Variants in UFD1 observed in about 807,000 individuals in gnomAD.
UFD1 encodes the protein ubiquitin recognition factor in ER associated degradation 1, also known as ubiquitin recognition factor in ER-associated degradation protein 1.
UFD1 carries 13 observed loss-of-function variants against 45.9 expected under a neutral mutation model. The observed-to-expected ratio is 0.28, with a 90% confidence interval of 0.18 to 0.45. The LOEUF (loss-of-function observed/expected upper bound fraction) is 0.45. Among genes scored for constraint, UFD1 ranks in the 20% least tolerant of loss-of-function variants. The pLI is 1.00. For missense variants in UFD1, 218 were observed against 389.2 expected, an observed-to-expected ratio of 0.56 and a Z score of 3.70; for synonymous variants, 128 against 139.2, an observed-to-expected ratio of 0.92 and a Z score of 0.56.
chr22:19,452,029 C>G, intron 11 of UFD1: 1 of 752,600 alleles, frequency 1.3e-6, no homozygotes, highest in Non-Finnish European at 1.6e-6. Context: ...GGATTATCTT[C>G]TTGTGAGTTC....
intron 3 of UFD1, among the ~76,000 whole-genome samples, chr22:19,473,899 C>G (rs1430003827): frequency 3.9e-5 from 6 of 152,216 alleles, no homozygotes; most frequent in African/African-American, 1.4e-4. Flanking sequence ...CAAAACCAAG[C>G]ATGAACCTGT....
At chr22:19,471,324 T>C in intron 4 of UFD1, 1 of 547,392 alleles carries the variant, frequency 1.8e-6, no homozygotes, top group Non-Finnish European at 3.6e-6. Context: ...CTACTAAAAG[T>C]AGGGGAAAAG....
chr22:19,477,354 AT>A (rs1475088499), intron 1 of UFD1, among the ~76,000 whole-genome samples: 1 of 152,246 alleles, frequency 6.6e-6, no homozygotes, highest in Non-Finnish European at 1.5e-5. Context: ...ACAATGAAAT[AT>A]TATTCAGCTT....
chr22:19,471,900 C>A, intron 3 of UFD1, 92 bp from the exon 4 acceptor site: 1 of 1,526,674 alleles, frequency 6.6e-7, no homozygotes, highest in Non-Finnish European at 8.8e-7. Flanking sequence ...TCCCCACAAT[C>A]CTGCCCTCAA....
chr22:19,466,187 T>C (rs1258019161), intron 5 of UFD1: 1 of 152,200 alleles, frequency 6.6e-6, no homozygotes, highest in East Asian at 1.9e-4. Context: ...TGCTCCCAAA[T>C]ATGAAGTGCC....
At chr22:19,465,521 A>G in intron 5 of UFD1, 1 of 469,312 alleles carries the variant, frequency 2.1e-6, no homozygotes, top group East Asian at 3.9e-5. Flanking sequence ...ATAACCAACC[A>G]CAAAAGGGCA....
chr22:19,460,823 G>A lies in UFD1; in HGVS notation c.496-2684C>T, dbSNP rs577867549. Among the ~76,000 whole-genome samples, 11 of 147,104 alleles carry A rather than the reference G, an allele frequency of 7.5e-5. No individual in the cohort carries two copies. In the East Asian group the frequency reaches 2.2e-3, roughly 29 times the overall value. ...CCCCCAGGCTGGAGTGCAGTGCCTT[G>A]ACCCTGGCTCACTGCAGACTCAACT... On this transcript the variant is annotated intron_variant, in intron 6 of 11. Coordinates refer to ENST00000263202, the MANE Select transcript of UFD1 (RefSeq NM_005659.7).
chr22:19,469,931 CTA>C (rs753193594), intron 4 of UFD1: 1 of 518,504 alleles, frequency 1.9e-6, no homozygotes, highest in Non-Finnish European at 3.9e-6. Context: ...AACTTCAAGT[CTA>C]TGGGTTAAAG....
chr22:19,471,903 G>C (rs2089848962), intron 3 of UFD1, 95 bp from the exon 4 acceptor site: 20 of 1,510,698 alleles, frequency 1.3e-5, no homozygotes, highest in Admixed American at 1.9e-5. Context: ...CCACAATCCT[G>C]CCCTCAACCC....
chr22:19,464,281 G>A (rs1285110783), intron 6 of UFD1, among the ~76,000 whole-genome samples: 1 of 152,242 alleles, frequency 6.6e-6, no homozygotes, highest in Non-Finnish European at 1.5e-5. Flanking sequence ...AAGGAGCTAA[G>A]TGCTAGCTTC....
chr22:19,451,302 T>C (rs747767989), intron 11 of UFD1: 103 of 985,400 alleles, frequency 1.0e-4, no homozygotes, highest in Non-Finnish European at 1.2e-4. Flanking sequence ...AATTCCATGA[T>C]GTAGGAGGGC....
At chr22:19,478,060 ATT>A (rs2089902281) in intron 1 of UFD1, among the ~76,000 whole-genome samples, 1 of 152,170 alleles carries the variant, frequency 6.6e-6, no homozygotes, top group Non-Finnish European at 1.5e-5. Context: ...TATGTAAGCC[ATT>A]TCTTCTCTTT....
At chr22:19,468,397 A>G (rs1019987342) in intron 4 of UFD1, among the ~76,000 whole-genome samples, 3 of 152,208 alleles carry the variant, frequency 2.0e-5, no homozygotes, top group African/African-American at 7.2e-5. Context: ...AAAGCAGCAC[A>G]AGGCAAGGCT....
intron 11 of UFD1, chr22:19,453,844 C>G (rs1265977354): frequency 2.0e-6 from 2 of 985,396 alleles, no homozygotes; most frequent in Non-Finnish European, 2.4e-6. Flanking sequence ...CTCAGTACAT[C>G]TGCCCTCTGC....
At chr22:19,460,741 T>G (rs940117414) in intron 6 of UFD1, among the ~76,000 whole-genome samples, 16 of 150,740 alleles carry the variant, frequency 1.1e-4, no homozygotes, top group African/African-American at 3.9e-4. Flanking sequence ...CTCGAGGCCC[T>G]GGCAACCACC....
intron 4 of UFD1, chr22:19,470,825 T>C (rs1404102052): frequency 2.1e-6 from 1 of 466,476 alleles, no homozygotes; most frequent in Admixed American, 2.2e-5. Context: ...TGATAGGGCA[T>C]CAGCAGGAGA....
intron 8 of UFD1, 41 bp from the exon 9 acceptor site, chr22:19,456,675 G>A (rs757637024): frequency 1.9e-6 from 3 of 1,614,092 alleles, no homozygotes; most frequent in Admixed American, 3.3e-5. Flanking sequence ...CCTCAGCGGG[G>A]ACACCCAGCT....
Position 19,465,192 on chromosome 22 carries a change from C to T in UFD1, c.495+10G>A. On this transcript the variant is annotated intron_variant, in intron 6 of 11. Coordinates refer to ENST00000263202, the MANE Select transcript of UFD1 (RefSeq NM_005659.7). ...TCTTGTCAGGAATGACCTGCATGAA[C>T]TGGGCTCACCTTTTCATTATAGTTG... The T allele has an allele frequency of 6.2e-7, 1 of 1,613,872 alleles. No individual in the cohort carries two copies. The highest frequency in any genetic ancestry group is 8.5e-7 in the Non-Finnish European group (1 of 1,179,770).
At position 19,467,661 on chromosome 22, in the gene UFD1, G is replaced by A. The variant is rs2089813047; in HGVS notation, c.422+212C>T. 4.3e-6 allele frequency: 3 copies of A among 692,456 alleles called. No individual in the cohort carries two copies. In the South Asian group the frequency reaches 6.0e-5, roughly 14 times the overall value. 42.9% of individuals were successfully genotyped at this position (692,456 alleles called of 1,614,324 possible). A position where few individuals can be genotyped will look rare whatever the true frequency, so the allele number is the denominator to read the frequency against. ...CATTGTGGTCTCCATGAAGTGTCTGGAAAGTGACAGAGGTGGCCCAGACAG... is the reference window on the plus strand; with the variant it reads ...CATTGTGGTCTCCATGAAGTGTCTGAAAAGTGACAGAGGTGGCCCAGACAG... On this transcript the variant is annotated intron_variant, in intron 5 of 11. Coordinates refer to ENST00000263202, the MANE Select transcript of UFD1 (RefSeq NM_005659.7).
Sources: gnomAD v4.1 joint callset for allele counts (sites outside exome capture counted in the v4.1 genomes callset) on GRCh38, gnomAD v4.1.1 for gene constraint, MANE v1.5 for transcripts, NCBI Gene and HGNC (gene_info 2026-07-23, HGNC 2026-07-21) for gene names.